The following TBX5 variants were observed in gnomAD, a reference collection of about 807,000 sequenced individuals.
The protein encoded by TBX5 is T-box transcription factor TBX5.
Under a neutral mutation model 51.1 loss-of-function variants are expected in TBX5, and 8 were observed. That is an observed-to-expected ratio of 0.16 (90% confidence interval 0.09 to 0.28). The LOEUF is 0.28. Among genes scored for constraint, TBX5 ranks in the 10% least tolerant of loss-of-function variants. TBX5 has a pLI of 1.00. For synonymous variants in TBX5, 302 were observed against 266.4 expected, an observed-to-expected ratio of 1.13 and a Z score of -1.30; for missense variants, 589 against 671.7, an observed-to-expected ratio of 0.88 and a Z score of 1.36.
At chr12:114,365,486 A>C (rs1414077816) in intron 8 of TBX5, among the ~76,000 whole-genome samples, 2 of 152,188 alleles carry the variant, frequency 1.3e-5, no homozygotes, top group East Asian at 1.9e-4. Flanking sequence ...AAGAAAAAAA[A>C]CAGCAAGTTG....
intron 8 of TBX5, among the ~76,000 whole-genome samples, chr12:114,361,986 C>T (rs530109818): frequency 1.3e-5 from 2 of 152,182 alleles, no homozygotes; most frequent in South Asian, 4.1e-4. Flanking sequence ...CAGTATACAT[C>T]TCAAGCTGGG....
At chr12:114,373,452 A>G (rs1870027698) in intron 7 of TBX5, among the ~76,000 whole-genome samples, 1 of 152,178 alleles carries the variant, frequency 6.6e-6, no homozygotes, top group South Asian at 2.1e-4. Flanking sequence ...AATTCAAGCT[A>G]AAGTTTGTTT....
At chr12:114,357,222 GA>G (rs1313961195) in intron 8 of TBX5, among the ~76,000 whole-genome samples, 1 of 152,188 alleles carries the variant, frequency 6.6e-6, no homozygotes, top group Non-Finnish European at 1.5e-5. Context: ...TAGGGAAGTG[GA>G]GATAGTTTTG....
intron 7 of TBX5, among the ~76,000 whole-genome samples, chr12:114,380,489 CCTTT>C (rs1232645403): frequency 1.3e-5 from 2 of 152,198 alleles, no homozygotes; most frequent in Non-Finnish European, 2.9e-5. Flanking sequence ...TTCTTTTCTT[CCTTT>C]CTTAGAACTC....
intron 5 of TBX5, among the ~76,000 whole-genome samples, chr12:114,395,966 C>T (rs1871390272): frequency 6.6e-6 from 1 of 152,118 alleles, no homozygotes; most frequent in Admixed American, 6.5e-5. Context: ...TGACACATCC[C>T]CACCGAACTT....
intron 3 of TBX5, among the ~76,000 whole-genome samples, chr12:114,400,108 G>A (rs1470010228): frequency 1.3e-5 from 2 of 152,180 alleles, no homozygotes; most frequent in Non-Finnish European, 2.9e-5. Context: ...GTGCGCCCCA[G>A]AGATGCACAC....
chr12:114,360,881 G>A (rs1388439821), intron 8 of TBX5, among the ~76,000 whole-genome samples: 1 of 152,144 alleles, frequency 6.6e-6, no homozygotes, highest in Non-Finnish European at 1.5e-5. Flanking sequence ...GAATGGTATT[G>A]TGCGAAGATT....
rs780987688 is a variant in TBX5 at position 114,355,819 on chromosome 12, G to C, written c.1270C>G (p.Gln424Glu). 1.9e-6 allele frequency: 3 copies of C among 1,614,098 alleles called. No individual in the cohort carries two copies. The highest frequency in any genetic ancestry group is 2.5e-6 in the Non-Finnish European group (3 of 1,180,040). Residue 424 changes from glutamine to glutamate, a missense_variant, in exon 9 of 9, where the codon CAG becomes GAG. Gln to Glu is a conservative substitution (Grantham distance 29, BLOSUM62 2). Around this residue, in one of 7 missense-constraint regions of TBX5, gnomAD observed 348 missense variants for 360.4 expected, o/e 0.97. Coordinates refer to ENST00000405440, the MANE Select transcript of TBX5 (RefSeq NM_181486.4). The part of the protein sequence containing the change: ...TVQPMDRLPY[Q>E]HFSAHFTSGP... ...GAGGTGAAGTGAGCGGAGAAGTGCT[G>C]GTAGGGTAGCCTGTCCATGGGCTGC...
At chr12:114,375,480 C>G (rs575454860) in intron 7 of TBX5, among the ~76,000 whole-genome samples, 1 of 152,126 alleles carries the variant, frequency 6.6e-6, no homozygotes, top group Non-Finnish European at 1.5e-5. Flanking sequence ...GGCAAAAGAC[C>G]TGAATAGACA....
At chr12:114,399,865 A>G (rs773055417) in intron 3 of TBX5, among the ~76,000 whole-genome samples, 2 of 152,184 alleles carry the variant, frequency 1.3e-5, no homozygotes, top group African/African-American at 2.4e-5. Flanking sequence ...CCTAAGCGGA[A>G]AACAAACCAG....
chr12:114,408,131 G>C, upstream of TBX5: 1 of 985,440 alleles, frequency 1.0e-6, no homozygotes, highest in Non-Finnish European at 1.2e-6. Context: ...CGGCCCGCGC[G>C]CTGTCACGTT....
At chr12:114,377,891 G>C (rs1870283739) in intron 7 of TBX5, among the ~76,000 whole-genome samples, 1 of 152,076 alleles carries the variant, frequency 6.6e-6, no homozygotes, top group African/African-American at 2.4e-5. Flanking sequence ...TTCCCAATGT[G>C]GCTGTGTAGA....
intron 1 of TBX5, among the ~76,000 whole-genome samples, chr12:114,405,308 G>T (rs963778663): frequency 2.0e-5 from 3 of 152,152 alleles, no homozygotes; most frequent in East Asian, 1.9e-4. Context: ...CCCTACACGC[G>T]CTCCCATTCA....
chr12:114,394,392 G>A (rs1871308492), intron 6 of TBX5, among the ~76,000 whole-genome samples: 1 of 152,176 alleles, frequency 6.6e-6, no homozygotes, highest in African/African-American at 2.4e-5. Context: ...AAATGAAATG[G>A]CAGCACCAGA....
At chr12:114,359,185 G>A (rs960726416) in intron 8 of TBX5, among the ~76,000 whole-genome samples, 36 of 152,268 alleles carry the variant, frequency 2.4e-4, no homozygotes, top group African/African-American at 8.7e-4. Flanking sequence ...CTAATGCAGA[G>A]CACTAAGAAA....
At chr12:114,402,226 C>T (rs142516437) in intron 2 of TBX5, among the ~76,000 whole-genome samples, 4 of 152,056 alleles carry the variant, frequency 2.6e-5, no homozygotes, top group African/African-American at 4.8e-5. Flanking sequence ...CAGGGTGCTC[C>T]GGAATGTCAC....
intron 6 of TBX5, among the ~76,000 whole-genome samples, chr12:114,391,155 C>T (rs1871123602): frequency 6.6e-6 from 1 of 152,236 alleles, no homozygotes; most frequent in Non-Finnish European, 1.5e-5. Flanking sequence ...TCCAAATTGT[C>T]TTGGCAATTT....
intron 8 of TBX5, among the ~76,000 whole-genome samples, chr12:114,364,730 C>A (rs766261329): frequency 5.3e-5 from 8 of 152,190 alleles, no homozygotes; most frequent in Non-Finnish European, 1.2e-4. Flanking sequence ...GCCACATACC[C>A]AATCATGGCT....
At chr12:114,362,987 A>T (rs887287346) in intron 8 of TBX5, among the ~76,000 whole-genome samples, 1 of 152,210 alleles carries the variant, frequency 6.6e-6, no homozygotes, top group Non-Finnish European at 1.5e-5. Flanking sequence ...TAAGCAATTT[A>T]TAATTACTTG....
Sources: allele counts gnomAD v4.1 joint callset (sites outside exome capture counted in the v4.1 genomes callset), GRCh38; gene constraint gnomAD v4.1.1; regional missense constraint gnomAD v4.1.1; transcripts MANE v1.5; gene names NCBI Gene and HGNC (gene_info 2026-07-23, HGNC 2026-07-21).